Variants in CHL1 observed in about 807,000 individuals in gnomAD.
CHL1 encodes cell adhesion molecule L1 like, also known as neural cell adhesion molecule L1-like protein.
Under a neutral mutation model 141.9 loss-of-function variants are expected in CHL1, and 96 were observed. The ratio of observed to expected loss-of-function variants is 0.68; its 90% CI spans 0.57 to 0.80. The LOEUF (loss-of-function observed/expected upper bound fraction) is 0.80, where lower values mean the gene tolerates loss of function less well. CHL1 is among the 30% of genes least tolerant of loss of function. The probability of loss-of-function intolerance (pLI) is 0.00; values close to 1 mark genes in which losing one functional copy is unlikely to be tolerated. For missense variants in CHL1, 1,820 were observed against 1,457.2 expected, an observed-to-expected ratio of 1.25 and a Z score of -4.05; for synonymous variants, 613 against 502.2, an observed-to-expected ratio of 1.22 and a Z score of -2.95.
chr3:382,717 C>T (rs1707200805), intron 18 of CHL1, 46 bp downstream of exon 18: 2 of 1,515,670 alleles, frequency 1.3e-6, no homozygotes, highest in Non-Finnish European at 1.8e-6. Flanking sequence ...ATTTGTTTGT[C>T]CCCATCTTTG....
At chr3:401,767 G>A (rs1163210962) in intron 27 of CHL1, 69 bp downstream of exon 27, 1 of 903,294 alleles carries the variant, frequency 1.1e-6, no homozygotes. Context: ...TGAACAAAAA[G>A]GTGTTTATTC....
Position 340,870 on chromosome 3 carries a change from T to A in CHL1, c.462T>A (p.Asn154Lys), listed in dbSNP as rs573276367. 6.2e-7 allele frequency: 1 copy of A among 1,612,982 alleles called. No individual in the cohort carries two copies. Among genetic ancestry groups the A allele is most frequent in the African/African-American group, 1.3e-5 (1 of 74,958 alleles). ...EEGDPIVLPCNPPKGLPPLHI... is the reference protein window; with the variant it reads ...EEGDPIVLPCKPPKGLPPLHI... ...GAGATCCAATTGTCCTCCCATGCAATCCTCCCAAAGGCCTCCCACCTTTAC... is the reference window on the plus strand; with the variant it reads ...GAGATCCAATTGTCCTCCCATGCAAACCTCCCAAAGGCCTCCCACCTTTAC... The change falls in exon 6 of 28, where the codon AAT (asparagine) becomes AAA (lysine). Residue 154 changes from asparagine (N) to lysine (K), a missense_variant. Physicochemically the swap from Asn to Lys is moderately conservative, Grantham distance 94 (BLOSUM62 0). Coordinates refer to ENST00000256509, the MANE Select transcript of CHL1 (RefSeq NM_006614.4).
At chr3:322,062 C>T (rs1484205570) in intron 3 of CHL1, among the ~76,000 whole-genome samples, 1 of 152,044 alleles carries the variant, frequency 6.6e-6, no homozygotes, top group African/African-American at 2.4e-5. Flanking sequence ...ACTGTGGCCA[C>T]TGTGTATCAT....
At chr3:282,443 T>C (rs909291505) in intron 2 of CHL1, among the ~76,000 whole-genome samples, 3 of 151,386 alleles carry the variant, frequency 2.0e-5, no homozygotes, top group Non-Finnish European at 3.0e-5. Flanking sequence ...GTGTTCTTTA[T>C]TTATTTGTAT....
chr3:212,144 G>A (rs930659095), intron 1 of CHL1, among the ~76,000 whole-genome samples: 3 of 152,092 alleles, frequency 2.0e-5, no homozygotes, highest in Non-Finnish European at 2.9e-5. Flanking sequence ...GTAGAGGCTG[G>A]TGGTGAGAAT....
At chr3:397,975 A>G (rs1708814857) in intron 24 of CHL1, among the ~76,000 whole-genome samples, 1 of 152,150 alleles carries the variant, frequency 6.6e-6, no homozygotes, top group South Asian at 2.1e-4. Context: ...TGAACCATTC[A>G]TGTGACCAGG....
At chr3:294,400 G>C (rs1314388494) in intron 2 of CHL1, among the ~76,000 whole-genome samples, 1 of 152,166 alleles carries the variant, frequency 6.6e-6, no homozygotes, top group Non-Finnish European at 1.5e-5. Context: ...TAACGAGGAA[G>C]GTAAATTAAT....
chr3:349,177 C>G (rs1703026641), intron 9 of CHL1, among the ~76,000 whole-genome samples, 182 bp from the exon 10 acceptor site: 1 of 152,172 alleles, frequency 6.6e-6, no homozygotes, highest in South Asian at 2.1e-4. Flanking sequence ...AGACTTGCTT[C>G]AACACCAGTG....
At chr3:220,275 G>A (rs1002584406) in intron 1 of CHL1, among the ~76,000 whole-genome samples, 5 of 152,134 alleles carry the variant, frequency 3.3e-5, no homozygotes, top group African/African-American at 1.2e-4. Context: ...TTATTGTGAT[G>A]TATGTAAATT....
At chr3:235,005 T>TTATTATTAC (rs1429809591) in intron 1 of CHL1, among the ~76,000 whole-genome samples, 1 of 150,908 alleles carries the variant, frequency 6.6e-6, no homozygotes, top group Non-Finnish European at 1.5e-5. Context: ...ATTATTATTA[T>TTATTATTAC]TATTATTTGT....
Position 342,060 on chromosome 3 carries a change from A to G in CHL1, c.657A>G (p.Pro219=), listed in dbSNP as rs751133649. Residue 219 remains proline (P), a synonymous_variant, in exon 7 of 28, where the codon CCA becomes CCG. Coordinates refer to ENST00000256509, the MANE Select transcript of CHL1 (RefSeq NM_006614.4). The part of the protein sequence containing the change: ...PRLRTIVQKM[P]MKLTVNSLKH... The stretch of plus-strand genomic sequence containing the variant: ...TAAGGACTATTGTACAGAAAATGCC[A>G]ATGAAACTAACAGTTAACAGTTGTA... The G allele has an allele frequency of 5.0e-6, 8 of 1,611,456 alleles. No individual in the cohort carries two copies. The Admixed American group carries it at 1.3e-4, about 27-fold the overall frequency.
At chr3:204,032 T>C (rs67072823) in intron 1 of CHL1, among the ~76,000 whole-genome samples, 20,447 of 152,284 alleles carry the variant, frequency 0.13, 1,679 homozygotes, top group East Asian at 0.4. Flanking sequence ...ACTTTTTCTT[T>C]GTCATTCCTT....
intron 15 of CHL1, among the ~76,000 whole-genome samples, chr3:367,945 G>A (rs189392550): frequency 6.6e-6 from 1 of 152,114 alleles, no homozygotes. Context: ...TTTTATGGCT[G>A]TATAGTATTC....
chr3:400,640 C>A, intron 26 of CHL1, among the ~76,000 whole-genome samples: 1 of 141,492 alleles, frequency 7.1e-6, no homozygotes. Context: ...TTATATTCCA[C>A]TAATAAGAGA....
intron 2 of CHL1, among the ~76,000 whole-genome samples, chr3:306,336 T>C (rs1214062415): frequency 6.6e-6 from 1 of 152,164 alleles, no homozygotes; most frequent in East Asian, 1.9e-4. Flanking sequence ...TTTTAATGAT[T>C]TGTACAGTGA....
intron 19 of CHL1, among the ~76,000 whole-genome samples, chr3:386,446 A>C (rs9847822): frequency 0.077 from 11,678 of 152,220 alleles, 1,249 homozygotes; most frequent in African/African-American, 0.23. Context: ...ACTCACTCAT[A>C]TATTTTGAGT....
At position 330,491 on chromosome 3, in the gene CHL1, G is replaced by A. The variant is rs1252652133; in HGVS notation, c.385+2137G>A. 2.6e-5 allele frequency among the ~76,000 whole-genome samples: 4 copies of A among 152,080 alleles called. No homozygotes were observed. The South Asian group carries it at 6.2e-4, about 24-fold the overall frequency. On this transcript the variant is annotated intron_variant, in intron 5 of 27. Coordinates refer to ENST00000256509, the MANE Select transcript of CHL1 (RefSeq NM_006614.4). ...TAAACTGGAGTGAAGGGAGAAAATA[G>A]TATAAAAGCAGAAAATAAATTCAAC...
At chr3:330,691 T>C (rs1010182690) in intron 5 of CHL1, among the ~76,000 whole-genome samples, 2 of 152,188 alleles carry the variant, frequency 1.3e-5, no homozygotes, top group Non-Finnish European at 2.9e-5. Context: ...CGCCTATAGT[T>C]TAGTTTTTGT....
chr3:257,029 T>A (rs981110598), intron 2 of CHL1, among the ~76,000 whole-genome samples: 18 of 152,176 alleles, frequency 1.2e-4, no homozygotes, highest in Non-Finnish European at 1.8e-4. Flanking sequence ...TGTCTCACAT[T>A]CTCTAATTAG....
Sources: gnomAD v4.1 joint callset for allele counts (sites outside exome capture counted in the v4.1 genomes callset) on GRCh38, gnomAD v4.1.1 for gene constraint, MANE v1.5 for transcripts, NCBI Gene and HGNC (gene_info 2026-07-23, HGNC 2026-07-21) for gene names.